Variants in BCL2 observed in about 807,000 individuals in gnomAD.
The protein encoded by BCL2 is BCL2 apoptosis regulator, also known as apoptosis regulator Bcl-2.
BCL2 carries 1 observed loss-of-function variant against 14.2 expected under a neutral mutation model. The observed-to-expected ratio is 0.07, with a 90% CI of 0.02 to 0.33. BCL2 has a LOEUF of 0.33. Among genes scored for constraint, BCL2 ranks in the 10% least tolerant of loss-of-function variants. The pLI is 0.99. For synonymous variants in BCL2, 151 were observed against 137.2 expected, an observed-to-expected ratio of 1.10 and a Z score of -0.70; for missense variants, 247 against 305.9, an observed-to-expected ratio of 0.81 and a Z score of 1.44.
At position 63,123,569 on chromosome 18, in the gene BCL2, T is replaced by C. The variant is rs776584611; in HGVS notation, c.*5056A>G. On this transcript the variant is annotated 3_prime_UTR_variant, in exon 3 of 3. Transcript: ENST00000333681. ...CAGCCACCTCTTAAAAGTATCAATCTTAAAAAGAGCCATGGAAGGTAAAAG... is the reference window on the plus strand; with the variant it reads ...CAGCCACCTCTTAAAAGTATCAATCCTAAAAAGAGCCATGGAAGGTAAAAG... The C allele has an allele frequency of 4.7e-4, 99 of 208,704 alleles. No homozygotes were observed. The highest frequency in any genetic ancestry group is 1.3e-3 in the Admixed American group (22 of 16,920). 12.9% of individuals were successfully genotyped at this position (208,704 alleles called of 1,614,324 possible).
intron 2 of BCL2, among the ~76,000 whole-genome samples, chr18:63,287,180 C>T (rs1912499942): frequency 2.0e-5 from 3 of 152,188 alleles, no homozygotes; most frequent in Non-Finnish European, 4.4e-5. Context: ...ATCTGCCCAT[C>T]AGTTGCCCCA....
chr18:63,179,649 A>G (rs1370761381), intron 2 of BCL2, among the ~76,000 whole-genome samples: 1 of 152,202 alleles, frequency 6.6e-6, no homozygotes, highest in Non-Finnish European at 1.5e-5. Flanking sequence ...GAGGGAGCAT[A>G]TCTCAGCAAA....
chr18:63,272,271 C>A (rs1912023411), intron 2 of BCL2, among the ~76,000 whole-genome samples: 1 of 152,200 alleles, frequency 6.6e-6, no homozygotes, highest in South Asian at 2.1e-4. Flanking sequence ...AGATCCCAAG[C>A]CAGGATCTGG....
At chr18:63,226,186 A>G (rs1910538464) in intron 2 of BCL2, among the ~76,000 whole-genome samples, 1 of 152,176 alleles carries the variant, frequency 6.6e-6, no homozygotes, top group African/African-American at 2.4e-5. Context: ...ACTTCTCTCC[A>G]ACGTCCAACT....
chr18:63,296,931 G>C (rs761388969), intron 2 of BCL2, among the ~76,000 whole-genome samples: 1 of 152,134 alleles, frequency 6.6e-6, no homozygotes, highest in African/African-American at 2.4e-5. Context: ...AATGGGAACC[G>C]GCCCCGCACG....
chr18:63,165,291 T>C (rs568187578), intron 2 of BCL2, among the ~76,000 whole-genome samples: 1 of 152,272 alleles, frequency 6.6e-6, no homozygotes, highest in African/African-American at 2.4e-5. Context: ...GGAAGTGTCT[T>C]GGTTTGGATG....
At chr18:63,316,767 T>C (rs1913509583) in intron 2 of BCL2, 3 of 152,302 alleles carry the variant, frequency 2.0e-5, no homozygotes, top group South Asian at 2.1e-4. Flanking sequence ...TAAAAACATG[T>C]GGTGTGCTTC....
At chr18:63,289,450 C>T (rs1298963578) in intron 2 of BCL2, among the ~76,000 whole-genome samples, 1 of 152,032 alleles carries the variant, frequency 6.6e-6, no homozygotes, top group Non-Finnish European at 1.5e-5. Flanking sequence ...ATCCCCAGAA[C>T]AGAGAAGGCA....
intron 2 of BCL2, among the ~76,000 whole-genome samples, chr18:63,261,567 A>G (rs1387965079): frequency 1.3e-5 from 2 of 152,210 alleles, no homozygotes; most frequent in Non-Finnish European, 2.9e-5. Context: ...TTGTTGAATG[A>G]ATAGGAAAAA....
At chr18:63,245,954 C>A (rs993657617) in intron 2 of BCL2, among the ~76,000 whole-genome samples, 1 of 152,216 alleles carries the variant, frequency 6.6e-6, no homozygotes, top group East Asian at 1.9e-4. Flanking sequence ...TTTTCCACAA[C>A]TTTCCTCTAA....
chr18:63,302,709 G>T, intron 2 of BCL2: 1 of 985,162 alleles, frequency 1.0e-6, no homozygotes, highest in Non-Finnish European at 1.2e-6. Context: ...TGAGAAAGTA[G>T]GGGGGAAAAA....
chr18:63,319,696 A>C lies in BCL2; in HGVS notation c.-809T>G. 4.7e-6 allele frequency: 1 copy of C among 211,464 alleles called. No homozygotes were observed. Among genetic ancestry groups the C allele is most frequent in the Non-Finnish European group, 9.6e-6 (1 of 104,148 alleles). The allele number at this position is 211,464 out of a possible 1,614,324, so 13.1% of individuals were successfully genotyped here. The stretch of plus-strand genomic sequence containing the variant: ...CATTTTCCGAAAAGCTGCTGGATAA[A>C]TGAAGGCAGGACGCGCCTGGCCCGC... On this transcript the variant is annotated 5_prime_UTR_variant, in exon 1 of 3. Transcript: ENST00000333681.
chr18:63,232,143 A>G (rs990379636), intron 2 of BCL2, among the ~76,000 whole-genome samples: 1 of 152,224 alleles, frequency 6.6e-6, no homozygotes, highest in African/African-American at 2.4e-5. Flanking sequence ...ACTAACTCAC[A>G]CTATATCCAA....
intron 2 of BCL2, among the ~76,000 whole-genome samples, chr18:63,164,959 A>T (rs995877656): frequency 2.0e-5 from 3 of 152,222 alleles, no homozygotes; most frequent in African/African-American, 7.2e-5. Flanking sequence ...GGATTAAGAA[A>T]ATGTGAATGC....
intron 2 of BCL2, chr18:63,302,693 AAT>A: frequency 1.0e-6 from 1 of 984,754 alleles, no homozygotes; most frequent in Admixed American, 6.1e-5. Context: ...GAGATATATA[AAT>A]AAATGAGAAA....
At chr18:63,308,575 G>C (rs979917885) in intron 2 of BCL2, among the ~76,000 whole-genome samples, 1 of 152,124 alleles carries the variant, frequency 6.6e-6, no homozygotes, top group Non-Finnish European at 1.5e-5. Context: ...ATCTATATTA[G>C]CATTAAGGAC....
chr18:63,215,051 A>G (rs572093512), intron 2 of BCL2, among the ~76,000 whole-genome samples: 1 of 151,902 alleles, frequency 6.6e-6, no homozygotes, highest in African/African-American at 2.4e-5. Context: ...CCAGAACCCA[A>G]CTCTAGAAAG....
intron 2 of BCL2, among the ~76,000 whole-genome samples, chr18:63,180,616 G>A (rs958962098): frequency 1.3e-5 from 2 of 152,016 alleles, no homozygotes; most frequent in African/African-American, 4.8e-5. Context: ...AGCCAGCTGA[G>A]TACTGCCCTT....
At chr18:63,297,070 G>A (rs967443957) in intron 2 of BCL2, among the ~76,000 whole-genome samples, 4 of 152,140 alleles carry the variant, frequency 2.6e-5, no homozygotes, top group African/African-American at 9.7e-5. Flanking sequence ...AAATTTAGCT[G>A]GGGATGGTGG....
Sources: gnomAD v4.1 joint callset for allele counts (sites outside exome capture counted in the v4.1 genomes callset) on GRCh38, gnomAD v4.1.1 for gene constraint, MANE v1.5 for transcripts, NCBI Gene and HGNC (gene_info 2026-07-23, HGNC 2026-07-21) for gene names.